Variants in SH3RF3 observed in about 807,000 individuals in gnomAD.
The protein encoded by SH3RF3 is SH3 domain containing ring finger 3.
A neutral mutation model predicts 66.3 loss-of-function variants in SH3RF3; 29 were observed. That is an observed-to-expected ratio of 0.44 (90% CI 0.33 to 0.60). The LOEUF (loss-of-function observed/expected upper bound fraction) is 0.60. SH3RF3 is among the 20% of genes least tolerant of loss of function. The pLI, the probability that SH3RF3 is intolerant of heterozygous loss-of-function variation, is 0.04. For synonymous variants in SH3RF3, 583 were observed against 532.0 expected (o/e 1.10, Z -1.32); for missense variants, 1,194 against 1,190.9 (o/e 1.00, Z -0.04).
chr2:109,317,530 C>T (rs1356736168), intron 1 of SH3RF3, among the ~76,000 whole-genome samples: 1 of 152,202 alleles, frequency 6.6e-6, no homozygotes, highest in Admixed American at 6.5e-5. Context: ...GGACTTGGTT[C>T]TAGGTCTCGT....
At chr2:109,402,043 G>C (rs1245297173) in intron 4 of SH3RF3, among the ~76,000 whole-genome samples, 1 of 152,218 alleles carries the variant, frequency 6.6e-6, no homozygotes. Context: ...CTGTCTCCCT[G>C]TCCTGATTTA....
chr2:109,140,404 G>A (rs1171263510), intron 1 of SH3RF3, among the ~76,000 whole-genome samples: 2 of 150,614 alleles, frequency 1.3e-5, no homozygotes, highest in African/African-American at 2.4e-5. Context: ...TTTTAGAGAC[G>A]GAGTCTTGCT....
chr2:109,450,222 T>C (rs1677828804), intron 8 of SH3RF3, among the ~76,000 whole-genome samples: 1 of 152,050 alleles, frequency 6.6e-6, no homozygotes. Flanking sequence ...GGCGTGCGCC[T>C]GTAATCCCAG....
At chr2:109,478,679 G>T (rs7369864) in intron 8 of SH3RF3, among the ~76,000 whole-genome samples, 5 of 151,932 alleles carry the variant, frequency 3.3e-5, no homozygotes. Context: ...TCAAAAATAC[G>T]GTGTGGTGGG....
intron 1 of SH3RF3, among the ~76,000 whole-genome samples, chr2:109,281,710 G>A (rs1680897739): frequency 6.6e-6 from 1 of 152,202 alleles, no homozygotes; most frequent in South Asian, 2.1e-4. Context: ...AATCAGAAGA[G>A]TCCGTATCTG....
intron 1 of SH3RF3, among the ~76,000 whole-genome samples, chr2:109,216,654 C>T (rs943680076): frequency 8.5e-5 from 13 of 152,360 alleles, no homozygotes; most frequent in Middle Eastern, 3.4e-3. Context: ...TGCATGCTCA[C>T]TGGAACCTCC....
At chr2:109,243,843 G>A (rs760681456) in intron 1 of SH3RF3, among the ~76,000 whole-genome samples, 11 of 152,182 alleles carry the variant, frequency 7.2e-5, no homozygotes, top group Non-Finnish European at 1.6e-4. Flanking sequence ...AGGACAATAC[G>A]TGATCTGGTT....
At chr2:109,173,115 CT>C (rs1273838795) in intron 1 of SH3RF3, among the ~76,000 whole-genome samples, 1 of 152,190 alleles carries the variant, frequency 6.6e-6, no homozygotes, top group African/African-American at 2.4e-5. Context: ...AAATGAACAT[CT>C]TTTTTTAACT....
At chr2:109,434,825 A>G (rs1271824229) in intron 6 of SH3RF3, among the ~76,000 whole-genome samples, 1 of 152,252 alleles carries the variant, frequency 6.6e-6, no homozygotes, top group Non-Finnish European at 1.5e-5. Flanking sequence ...TACCATGTTC[A>G]TATACGAGGT....
At chr2:109,415,516 C>T (rs1031066549) in intron 4 of SH3RF3, among the ~76,000 whole-genome samples, 1 of 152,108 alleles carries the variant, frequency 6.6e-6, no homozygotes, top group South Asian at 2.1e-4. Context: ...CGTGTCCAGA[C>T]CCCCTCCTGA....
chr2:109,465,765 T>G (rs1678324955), intron 8 of SH3RF3, among the ~76,000 whole-genome samples: 1 of 152,168 alleles, frequency 6.6e-6, no homozygotes, highest in Admixed American at 6.5e-5. Flanking sequence ...GAGTCTCACA[T>G]GGCAGGAGCA....
chr2:109,476,720 G>C lies in SH3RF3; in HGVS notation c.2149-13885G>C, dbSNP rs556111260. On this transcript the variant is annotated intron_variant, in intron 8 of 9. Transcript: ENST00000309415. ...TGTAAAGTGAAAGCAAGTTTGTTAG[G>C]AAAGTAAAGGAATACAAGAATAGCT... Among the ~76,000 whole-genome samples, 5 of 152,312 alleles carry C rather than the reference G, an allele frequency of 3.3e-5. No homozygotes were observed. In the East Asian group the frequency reaches 9.6e-4, roughly 29 times the overall value.
At chr2:109,259,998 G>A (rs541294779) in intron 1 of SH3RF3, among the ~76,000 whole-genome samples, 5 of 152,230 alleles carry the variant, frequency 3.3e-5, no homozygotes, top group Admixed American at 2.0e-4. Context: ...TTTCTTCTCC[G>A]GCCAGAGATA....
intron 8 of SH3RF3, among the ~76,000 whole-genome samples, chr2:109,452,011 T>C (rs1677886307): frequency 6.6e-6 from 1 of 152,228 alleles, no homozygotes; most frequent in Non-Finnish European, 1.5e-5. Flanking sequence ...TTGTGTGTGC[T>C]TTTCATTCCC....
intron 1 of SH3RF3, among the ~76,000 whole-genome samples, chr2:109,321,157 C>T (rs967266945): frequency 6.6e-6 from 1 of 152,244 alleles, no homozygotes; most frequent in African/African-American, 2.4e-5. Flanking sequence ...CATGGATGCA[C>T]CTCTCAAACG....
At chr2:109,481,441 T>C (rs1027769764) in intron 8 of SH3RF3, among the ~76,000 whole-genome samples, 6 of 152,074 alleles carry the variant, frequency 3.9e-5, no homozygotes, top group African/African-American at 1.2e-4. Flanking sequence ...GTTTGGAGCT[T>C]CTGGTATGTT....
rs556658389 is a variant in SH3RF3 at position 109,451,658 on chromosome 2, G to A, written c.2148+2169G>A. Among the ~76,000 whole-genome samples, 7 of 152,292 alleles carry A rather than the reference G, an allele frequency of 4.6e-5. No individual in the cohort carries two copies. The South Asian group carries it at 1.0e-3, about 23-fold the overall frequency. ...CTGTTAGACACTTTGTAAATATTTCGCTTTCTCTTAAGGTTTATGCCCTCT... is the reference window on the plus strand; with the variant it reads ...CTGTTAGACACTTTGTAAATATTTCACTTTCTCTTAAGGTTTATGCCCTCT... On this transcript the variant is annotated intron_variant, in intron 8 of 9. Coordinates refer to ENST00000309415, the MANE Select transcript of SH3RF3 (RefSeq NM_001099289.3).
intron 8 of SH3RF3, among the ~76,000 whole-genome samples, chr2:109,461,332 G>C (rs948963403): frequency 6.6e-6 from 1 of 152,234 alleles, no homozygotes; most frequent in Non-Finnish European, 1.5e-5. Context: ...CTCAGAAAGA[G>C]AGCAGTTGTC....
chr2:109,266,185 G>GTGTGTGT (rs1386428669), intron 1 of SH3RF3, among the ~76,000 whole-genome samples: 2 of 151,556 alleles, frequency 1.3e-5, no homozygotes, highest in South Asian at 2.1e-4. Context: ...GTGCGTGCAT[G>GTGTGTGT]TGTGTGTTGT....
Sources: gnomAD v4.1 joint callset for allele counts (sites outside exome capture counted in the v4.1 genomes callset) on GRCh38, gnomAD v4.1.1 for gene constraint, MANE v1.5 for transcripts, NCBI Gene and HGNC (gene_info 2026-07-23, HGNC 2026-07-21) for gene names.